RAB36: variants seen among roughly 807,000 people sequenced by gnomAD.
RAB36 encodes the protein RAB36, member RAS oncogene family.
A neutral mutation model predicts 39.3 loss-of-function variants in RAB36; 33 were observed. The observed-to-expected ratio is 0.84, with a 90% CI of 0.64 to 1.12. RAB36 has a LOEUF of 1.12. Among genes scored for constraint, RAB36 ranks in the 50% most tolerant of loss-of-function variants. The pLI, the probability that RAB36 is intolerant of heterozygous loss-of-function variation, is 0.00. For missense variants in RAB36, 308 were observed against 355.3 expected (o/e 0.87, Z 1.07); for synonymous variants, 133 against 140.2 (o/e 0.95, Z 0.36).
chr22:23,159,052 G>T, intron 8 of RAB36, 73 bp downstream of exon 8: 1 of 1,585,796 alleles, frequency 6.3e-7, no homozygotes, highest in South Asian at 1.1e-5. Flanking sequence ...CATTGGAGGA[G>T]CCATGGGGAG....
chr22:23,166,564 G>A (rs569494939), downstream of RAB36, among the ~76,000 whole-genome samples: 5 of 152,178 alleles, frequency 3.3e-5, no homozygotes, highest in East Asian at 1.9e-4. Flanking sequence ...GGGTCAGGTT[G>A]CCCTTGATCC....
chr22:23,167,697 TTTTTAATTA>T (rs1205502848), downstream of RAB36, among the ~76,000 whole-genome samples: 4 of 151,334 alleles, frequency 2.6e-5, no homozygotes, highest in East Asian at 7.7e-4. Context: ...ATTAACTCTT[TTTTTAATTA>T]ATTTATTTTT....
intron 6 of RAB36, among the ~76,000 whole-genome samples, chr22:23,157,508 C>T (rs2071524208): frequency 6.6e-6 from 1 of 152,158 alleles, no homozygotes; most frequent in African/African-American, 2.4e-5. Flanking sequence ...ATCCACCCGC[C>T]TCAGCCTCCC....
chr22:23,166,095 G>A (rs1428769395), downstream of RAB36, among the ~76,000 whole-genome samples: 6 of 139,176 alleles, frequency 4.3e-5, no homozygotes, highest in African/African-American at 1.6e-4. Flanking sequence ...GCAGTGAGCC[G>A]AGATCTTGCC....
rs1413652582 is a variant in RAB36, at chr22:23,159,168, GGC to G, written c.535_536del (p.Ala179ArgfsTer3). On this transcript the variant is annotated frameshift_variant, in exon 9 of 11. Coordinates refer to ENST00000263116, the MANE Select transcript of RAB36 (RefSeq NM_004914.5). LOFTEE classifies it high-confidence loss of function. ...ACAAGGGCCATTTCTCCCAGTCAGG[GGC>G]CGCATGTGAGCAGGCCGAAGCAGAC... ...VGTKKDLLSG[A>X]ACEQAEADAV... 1 of 1,611,200 alleles carries G rather than the reference GGC, an allele frequency of 6.2e-7. No homozygotes were observed.
intron 4 of RAB36, 135 bp from the exon 5 acceptor site, chr22:23,152,898 C>A: frequency 1.4e-6 from 1 of 691,254 alleles, no homozygotes; most frequent in Middle Eastern, 2.5e-4. Context: ...CCCTGCCCAC[C>A]CATGGCCTGC....
At chr22:23,158,160 C>T in intron 7 of RAB36, 117 bp downstream of exon 7, 1 of 1,527,630 alleles carries the variant, frequency 6.5e-7, no homozygotes, top group East Asian at 2.3e-5. Flanking sequence ...TGACCAGGGC[C>T]CCTTGTCAGA....
chr22:23,166,687 C>T (rs999600021), downstream of RAB36, among the ~76,000 whole-genome samples: 3 of 152,130 alleles, frequency 2.0e-5, no homozygotes, highest in Non-Finnish European at 2.9e-5. Flanking sequence ...AATGAGTGCA[C>T]GGCTAGTCTC....
rs76959044 is a variant in RAB36 at position 23,162,143 on chromosome 22, C to T, written c.*579C>T. ...TCACTGTCCTTCTGCCACGGATGCT[C>T]AAGGTTCCTGGGCAGACCAGCACCT... On this transcript the variant is annotated 3_prime_UTR_variant, in exon 11 of 11. Transcript: ENST00000263116. The T allele has an allele frequency of 0.028, 4,675 of 166,854 alleles. 250 individuals are homozygous for T. Among genetic ancestry groups the T allele is most frequent in the African/African-American group, 0.11 (4,425 of 41,754 alleles). 10.3% of individuals were successfully genotyped at this position (166,854 alleles called of 1,614,324 possible).
rs750795310 is a variant in RAB36 at position 23,155,991 on chromosome 22, A to C, written c.353A>C (p.Lys118Thr). 6.2e-7 allele frequency: 1 copy of C among 1,612,718 alleles called. No individual in the cohort carries two copies. Among genetic ancestry groups the C allele is most frequent in the Non-Finnish European group, 8.5e-7 (1 of 1,179,338 alleles). The stretch of plus-strand genomic sequence containing the variant: ...AGCTGGGACACAGCTGGGCAGGAGA[A>C]GTTCAAGTGCATCGCATCTGCCTAC... Reference protein sequence around the residue: ...LQIWDTAGQEKFKCIASAYYR... With the variant: ...LQIWDTAGQETFKCIASAYYR... Residue 118 changes from lysine (K) to threonine (T), a missense_variant, in exon 6 of 11, where the codon AAG (lysine) becomes ACG (threonine). Lys to Thr is a moderately conservative substitution (Grantham distance 78). Coordinates refer to ENST00000263116, the MANE Select transcript of RAB36 (RefSeq NM_004914.5).
chr22:23,156,004 C>T lies in RAB36; in HGVS notation c.366C>T (p.Ile122=), dbSNP rs369079742. The change falls in exon 6 of 11, where the codon ATC becomes ATT. Residue 122 remains isoleucine (I), a synonymous_variant. Coordinates refer to ENST00000263116, the MANE Select transcript of RAB36 (RefSeq NM_004914.5). ...CTGGGCAGGAGAAGTTCAAGTGCAT[C>T]GCATCTGCCTACTACCGGGGTGCCC... The part of the protein sequence containing the change: ...DTAGQEKFKC[I]ASAYYRGAQV... 12 of 1,612,870 alleles carry T rather than the reference C, an allele frequency of 7.4e-6. No homozygotes were observed. Among genetic ancestry groups the T allele is most frequent in the Non-Finnish European group, 1.0e-5 (12 of 1,179,458 alleles).
At chr22:23,158,443 TGAGAA>T (rs1171534848) in intron 7 of RAB36, among the ~76,000 whole-genome samples, 17 of 152,180 alleles carry the variant, frequency 1.1e-4, no homozygotes, top group Non-Finnish European at 4.4e-5. Flanking sequence ...CTTGCAGTCT[TGAGAA>T]GAGAGAATTG....
At chr22:23,155,061 G>T (rs2071379248) in intron 5 of RAB36, among the ~76,000 whole-genome samples, 1 of 152,194 alleles carries the variant, frequency 6.6e-6, no homozygotes, top group African/African-American at 2.4e-5. Context: ...GGAGGCAGAG[G>T]TTACAGTGAG....
chr22:23,157,049 G>C (rs964103566), intron 6 of RAB36, among the ~76,000 whole-genome samples: 16 of 152,174 alleles, frequency 1.1e-4, no homozygotes, highest in African/African-American at 3.6e-4. Context: ...CATTTGCCTG[G>C]AATGTTCTCC....
At chr22:23,157,874 T>C (rs2071548185) in intron 6 of RAB36, 118 bp from the exon 7 acceptor site, 13 of 1,568,934 alleles carry the variant, frequency 8.3e-6, no homozygotes, top group South Asian at 6.0e-5. Context: ...GTTCCGGTGC[T>C]GAGTGCCTGG....
In RAB36 at chr22:23,162,478, G is replaced by A; in HGVS notation, c.*914G>A. 1 of 383,020 alleles carries A rather than the reference G, an allele frequency of 2.6e-6. No individual in the cohort carries two copies. The highest frequency in any genetic ancestry group is 5.3e-6 in the Non-Finnish European group (1 of 187,054). 23.7% of individuals were successfully genotyped at this position (383,020 alleles called of 1,614,324 possible). A position where few individuals can be genotyped will look rare whatever the true frequency, so the allele number is the denominator to read the frequency against. ...CTCTCATTGGCCTATACATCTCTTA[G>A]GACCTTTGTAATGGTGTCCATGCAC... On this transcript the variant is annotated 3_prime_UTR_variant, in exon 11 of 11. Coordinates refer to ENST00000263116, the MANE Select transcript of RAB36 (RefSeq NM_004914.5).
chr22:23,152,786 C>T (rs1168833094), intron 4 of RAB36, among the ~76,000 whole-genome samples: 2 of 152,158 alleles, frequency 1.3e-5, no homozygotes, highest in Non-Finnish European at 2.9e-5. Flanking sequence ...CCCTCCACTG[C>T]CCTCCCTGCA....
At position 23,153,056 on chromosome 22, in the gene RAB36, G is replaced by T. The variant is rs748932299; in HGVS notation, c.251G>T (p.Arg84Leu). 5 of 1,614,026 alleles carry T rather than the reference G, an allele frequency of 3.1e-6. No individual in the cohort carries two copies. Among genetic ancestry groups the T allele is most frequent in the Non-Finnish European group, 4.2e-6 (5 of 1,179,950 alleles). Residue 84 changes from arginine (R) to leucine (L), a missense_variant, in exon 5 of 11, where the codon CGA becomes CTA. Arg to Leu is a moderately radical substitution (Grantham distance 102, BLOSUM62 -2). Transcript: ENST00000263116. ...IHRFCKNVFD[R>L]DYKATIGVDF... ...AGGTTTTGCAAGAATGTTTTTGATC[G>T]AGACTACAAGGCCACCATTGGGGTG...
In RAB36 at chr22:23,158,844, CT is replaced by C; in HGVS notation, c.447-53del. The stretch of plus-strand genomic sequence containing the variant: ...AGGTCCCAAGTGTGCCCTCTGCCCC[CT>C]GTTTGGGGTGGGAGGATGGGTGAAT... On this transcript the variant is annotated intron_variant, in intron 7 of 10. Coordinates refer to ENST00000263116, the MANE Select transcript of RAB36 (RefSeq NM_004914.5). 2.0e-6 allele frequency: 3 copies of C among 1,535,936 alleles called. No homozygotes were observed. In the South Asian group the frequency reaches 3.4e-5, roughly 17 times the overall value.
Sources: allele counts gnomAD v4.1 joint callset (sites outside exome capture counted in the v4.1 genomes callset), GRCh38; gene constraint gnomAD v4.1.1; transcripts MANE v1.5; gene names NCBI Gene and HGNC (gene_info 2026-07-23, HGNC 2026-07-21).